The following ZNF652 variants were observed in gnomAD, a reference collection of about 807,000 sequenced individuals.
ZNF652 encodes zinc finger protein 652.
ZNF652 carries 16 observed loss-of-function variants against 45.2 expected under a neutral mutation model. The observed-to-expected ratio is 0.35, with a 90% CI of 0.24 to 0.54. ZNF652 has a LOEUF of 0.54. ZNF652 is among the 20% of genes least tolerant of loss of function. ZNF652 has a pLI of 0.91. For missense variants in ZNF652, 614 were observed against 765.6 expected (o/e 0.80, Z 2.34); for synonymous variants, 250 against 260.6 (o/e 0.96, Z 0.39).
intron 5 of ZNF652, among the ~76,000 whole-genome samples, chr17:49,308,044 T>C (rs536707139): frequency 6.6e-6 from 1 of 152,262 alleles, no homozygotes; most frequent in South Asian, 2.1e-4. Context: ...TATATGTGTG[T>C]TAAGAAACTG....
At chr17:49,311,857 C>A in intron 4 of ZNF652, 70 bp downstream of exon 4, 2 of 1,318,694 alleles carry the variant, frequency 1.5e-6, no homozygotes, top group East Asian at 2.3e-5. Flanking sequence ...GCACACCTCT[C>A]TCTCACTGGT....
intron 3 of ZNF652, 119 bp from the exon 4 acceptor site, chr17:49,312,161 T>C (rs1033017686): frequency 5.6e-5 from 9 of 159,784 alleles, no homozygotes; most frequent in South Asian, 1.8e-4. Context: ...TTGTGAGGCT[T>C]TTTTTTTTTT....
chr17:49,350,653 CCTTA>C (rs1329177417), intron 1 of ZNF652, among the ~76,000 whole-genome samples: 1 of 151,434 alleles, frequency 6.6e-6, no homozygotes, highest in African/African-American at 2.4e-5. Flanking sequence ...TGCTTTATCA[CCTTA>C]CTTTTCTCAA....
intron 1 of ZNF652, among the ~76,000 whole-genome samples, chr17:49,345,925 G>C (rs2070200921): frequency 6.6e-6 from 1 of 151,222 alleles, no homozygotes; most frequent in Admixed American, 6.6e-5. Context: ...TTAACAAAAG[G>C]ATGTTGAAAA....
At chr17:49,356,805 G>A (rs2070342108) in intron 1 of ZNF652, among the ~76,000 whole-genome samples, 1 of 152,054 alleles carries the variant, frequency 6.6e-6, no homozygotes, top group South Asian at 2.1e-4. Context: ...TACCTTATCT[G>A]AAAAGTCTCT....
chr17:49,307,480 G>C (rs1415788163), intron 5 of ZNF652, among the ~76,000 whole-genome samples: 1 of 137,164 alleles, frequency 7.3e-6, no homozygotes, highest in South Asian at 2.3e-4. Context: ...AGTGGCTCAA[G>C]CTTGTAATCC....
intron 5 of ZNF652, among the ~76,000 whole-genome samples, chr17:49,302,219 G>A (rs2960172): frequency 0.3 from 45,134 of 151,210 alleles, 6,990 homozygotes; most frequent in South Asian, 0.42. Flanking sequence ...GCACCACTGC[G>A]CTCAAGCCTG....
rs1359443708 is a variant in ZNF652 at position 49,296,451 on chromosome 17, A to C, written c.*1962T>G. The C allele has an allele frequency of 6.6e-6, 1 of 152,658 alleles. No individual in the cohort carries two copies. Among genetic ancestry groups the C allele is most frequent in the Non-Finnish European group, 1.5e-5 (1 of 68,042 alleles). 9.5% of individuals were successfully genotyped at this position (152,658 alleles called of 1,614,324 possible). A position where few individuals can be genotyped will look rare whatever the true frequency, so the allele number is the denominator to read the frequency against. ...TCTTACCACAGAGCTCATTAGTTAG[A>C]AAAGTGCTCGAAGCATATCTGCACA... On this transcript the variant is annotated 3_prime_UTR_variant, in exon 6 of 6. Coordinates refer to ENST00000430262, the MANE Select transcript of ZNF652 (RefSeq NM_001145365.3).
chr17:49,361,468 C>T (rs2070392796), intron 1 of ZNF652, among the ~76,000 whole-genome samples: 1 of 151,990 alleles, frequency 6.6e-6, no homozygotes, highest in Admixed American at 6.6e-5. Context: ...ACAATACTCC[C>T]GGGGGTTGGA....
intron 1 of ZNF652, among the ~76,000 whole-genome samples, chr17:49,333,751 T>C (rs1158611210): frequency 2.9e-5 from 4 of 138,818 alleles, no homozygotes; most frequent in African/African-American, 8.1e-5. Context: ...AAAGAAGATA[T>C]ACAAATGGCC....
intron 5 of ZNF652, among the ~76,000 whole-genome samples, chr17:49,303,114 C>A (rs1041656810): frequency 2.0e-5 from 3 of 151,900 alleles, no homozygotes; most frequent in African/African-American, 7.3e-5. Flanking sequence ...ATTGCTTGAG[C>A]CAGGAGTTCA....
intron 1 of ZNF652, among the ~76,000 whole-genome samples, chr17:49,331,153 G>A (rs1404582959): frequency 2.3e-5 from 3 of 132,742 alleles, no homozygotes; most frequent in Non-Finnish European, 3.1e-5. Flanking sequence ...ACGGAGTCTC[G>A]CTCTGTCACC....
chr17:49,304,054 A>ATTT (rs2069592012), intron 5 of ZNF652, among the ~76,000 whole-genome samples: 1 of 38,566 alleles, frequency 2.6e-5, no homozygotes, highest in African/African-American at 1.0e-4. Context: ...ATGCCTGGCT[A>ATTT]ATTTTTTTTT....
intron 4 of ZNF652, 100 bp downstream of exon 4, chr17:49,311,827 G>A: frequency 1.0e-6 from 1 of 983,776 alleles, no homozygotes; most frequent in Admixed American, 2.3e-5. Flanking sequence ...GTGGAAGGCA[G>A]CCTTGTGCCT....
intron 1 of ZNF652, among the ~76,000 whole-genome samples, chr17:49,336,981 AG>A (rs2070092252): frequency 7.5e-6 from 1 of 132,824 alleles, no homozygotes; most frequent in Non-Finnish European, 1.6e-5. Flanking sequence ...TGTAAGTCAC[AG>A]GTTGAGTGAA....
rs1311573309 is a variant in ZNF652, at chr17:49,355,631, G to T, written c.-259+6278C>A. The stretch of plus-strand genomic sequence containing the variant: ...ATAATTAGTAGTGACCGGGCGCGGT[G>T]GCTCACGCCTGTAATCCCAGCACTT... On this transcript the variant is annotated intron_variant, in intron 1 of 5. Transcript: ENST00000430262. Among the ~76,000 whole-genome samples the T allele has an allele frequency of 3.9e-5, 6 of 152,250 alleles. No individual in the cohort carries two copies. In the East Asian group the frequency reaches 1.2e-3, roughly 29 times the overall value.
chr17:49,332,195 C>T (rs1218045239), intron 1 of ZNF652, among the ~76,000 whole-genome samples: 1 of 150,146 alleles, frequency 6.7e-6, no homozygotes, highest in Admixed American at 6.6e-5. Context: ...TTGAACACAG[C>T]AGACTGAGGT....
chr17:49,351,017 ACACACACACAC>A (rs1567700319), intron 1 of ZNF652, among the ~76,000 whole-genome samples: 609 of 19,336 alleles, frequency 0.031, no homozygotes, highest in Non-Finnish European at 0.038. Context: ...ATATATATAC[ACACACACACAC>A]ACACACACAC....
chr17:49,309,128 G>A (rs867381113), intron 5 of ZNF652, among the ~76,000 whole-genome samples: 4 of 151,984 alleles, frequency 2.6e-5, no homozygotes, highest in Admixed American at 6.6e-5. Flanking sequence ...TTTCAATTCT[G>A]TGACAGTTAC....
Sources: allele counts gnomAD v4.1 joint callset (sites outside exome capture counted in the v4.1 genomes callset), GRCh38; gene constraint gnomAD v4.1.1; transcripts MANE v1.5; gene names NCBI Gene and HGNC (gene_info 2026-07-23, HGNC 2026-07-21).